HECW1: variants seen among roughly 807,000 people sequenced by gnomAD.
HECW1 encodes the protein E3 ubiquitin-protein ligase HECW1.
A neutral mutation model predicts 182.3 loss-of-function variants in HECW1; 61 were observed. The ratio of observed to expected loss-of-function variants is 0.33; its 90% CI spans 0.27 to 0.41. HECW1 has a LOEUF of 0.41. HECW1 is among the 10% of genes least tolerant of loss of function. The pLI is 1.00. For synonymous variants in HECW1, 859 were observed against 832.6 expected, an observed-to-expected ratio of 1.03 and a Z score of -0.55; for missense variants, 1,739 against 2,108.9, an observed-to-expected ratio of 0.82 and a Z score of 3.44.
chr7:43,506,921 T>A (rs1268929948), intron 21 of HECW1, among the ~76,000 whole-genome samples: 2 of 151,860 alleles, frequency 1.3e-5, no homozygotes, highest in Non-Finnish European at 2.9e-5. Context: ...ACAAAAAAAA[T>A]CAGCCAGGTA....
intron 2 of HECW1, among the ~76,000 whole-genome samples, chr7:43,211,722 A>G (rs1188918037): frequency 6.6e-6 from 1 of 152,262 alleles, no homozygotes; most frequent in Non-Finnish European, 1.5e-5. Context: ...CATTACCCAC[A>G]GAGCATAAAA....
intron 3 of HECW1, among the ~76,000 whole-genome samples, chr7:43,275,193 A>C (rs910986795): frequency 1.4e-4 from 22 of 152,210 alleles, no homozygotes; most frequent in African/African-American, 5.3e-4. Context: ...CAAAAAGTTT[A>C]CTTGAAATCC....
intron 2 of HECW1, among the ~76,000 whole-genome samples, chr7:43,132,444 T>C (rs1314653901): frequency 6.6e-6 from 1 of 152,044 alleles, no homozygotes; most frequent in Non-Finnish European, 1.5e-5. Context: ...ACATTGGGGG[T>C]TGCAAAATGG....
chr7:43,431,626 T>C (rs776206418), intron 8 of HECW1, among the ~76,000 whole-genome samples: 28 of 152,224 alleles, frequency 1.8e-4, no homozygotes, highest in Non-Finnish European at 3.7e-4. Context: ...GTCATTTGCA[T>C]GGTGCAGATC....
At position 43,344,373 on chromosome 7, in the gene HECW1, T is replaced by C. The variant is rs58692462; in HGVS notation, c.461-16513T>C. On this transcript the variant is annotated intron_variant, in intron 5 of 29. Transcript: ENST00000395891. ...AAGCATATTTTTATGTTGACAGATA[T>C]CTCCTTTCAGCACTTTGAAGTTCTC... is the stretch of plus-strand genomic sequence containing the variant. Among the ~76,000 whole-genome samples, 1,155 of 152,024 alleles carry C rather than the reference T, an allele frequency of 7.6e-3. 38 individuals carry two copies. Among genetic ancestry groups the C allele is most frequent in the Middle Eastern group, 0.034 (10 of 292 alleles).
intron 2 of HECW1, among the ~76,000 whole-genome samples, chr7:43,210,762 A>G (rs748827253): frequency 6.6e-6 from 1 of 152,192 alleles, no homozygotes; most frequent in Non-Finnish European, 1.5e-5. Flanking sequence ...CAGAGCAGCA[A>G]TGGGCGCCTC....
chr7:43,321,505 G>A (rs1446369875), intron 5 of HECW1, among the ~76,000 whole-genome samples: 1 of 152,106 alleles, frequency 6.6e-6, no homozygotes, highest in East Asian at 1.9e-4. Flanking sequence ...TTTGCCAGCT[G>A]AGGGAATGCA....
chr7:43,329,990 GA>G (rs767836810), intron 5 of HECW1, among the ~76,000 whole-genome samples: 9 of 152,196 alleles, frequency 5.9e-5, no homozygotes, highest in Non-Finnish European at 1.2e-4. Flanking sequence ...ACTGTGAGAA[GA>G]GGAGAGTTGA....
chr7:43,167,158 G>T (rs1239162031), intron 2 of HECW1, among the ~76,000 whole-genome samples: 1 of 152,122 alleles, frequency 6.6e-6, no homozygotes, highest in African/African-American at 2.4e-5. Flanking sequence ...GGTATGAGAA[G>T]GGCCATGCTC....
At chr7:43,242,751 G>A (rs530489532) in intron 2 of HECW1, among the ~76,000 whole-genome samples, 1 of 152,168 alleles carries the variant, frequency 6.6e-6, no homozygotes, top group Non-Finnish European at 1.5e-5. Context: ...GTGCAGGGGA[G>A]CCTGCAGATG....
intron 8 of HECW1, among the ~76,000 whole-genome samples, chr7:43,410,591 T>C (rs966570130): frequency 2.0e-5 from 3 of 152,266 alleles, no homozygotes; most frequent in Non-Finnish European, 2.9e-5. Context: ...GAAATGTCTG[T>C]GTATAATTAT....
At chr7:43,550,111 A>AAAG (rs575247546) in intron 26 of HECW1, among the ~76,000 whole-genome samples, 32 of 151,702 alleles carry the variant, frequency 2.1e-4, no homozygotes, top group East Asian at 1.4e-3. Context: ...TACCAAAAAA[A>AAAG]AAGAAGAAGA....
At chr7:43,507,033 G>A in intron 21 of HECW1, 104 bp from the exon 22 acceptor site, 4 of 1,384,166 alleles carry the variant, frequency 2.9e-6, no homozygotes, top group Non-Finnish European at 3.9e-6. Flanking sequence ...GCACACCACT[G>A]CACTCCAGCC....
chr7:43,288,017 T>C (rs1471543252), intron 3 of HECW1, among the ~76,000 whole-genome samples: 3 of 152,218 alleles, frequency 2.0e-5, no homozygotes, highest in Non-Finnish European at 2.9e-5. Flanking sequence ...TAGATATCCA[T>C]GTAGACAGAG....
chr7:43,542,502 A>G (rs2081400795), intron 26 of HECW1, among the ~76,000 whole-genome samples: 1 of 151,146 alleles, frequency 6.6e-6, no homozygotes, highest in African/African-American at 2.4e-5. Context: ...AAGCTGAAAA[A>G]TATTTCATTA....
rs138063278 is a variant in HECW1, at chr7:43,279,639, T to A, written c.28-32124T>A. ...GCGCCCTCCTTGTCCCCATTTCATT[T>A]GTTCTGAAGCTGATGTGTTTTCTCT... On this transcript the variant is annotated intron_variant, in intron 3 of 29. Coordinates refer to ENST00000395891, the MANE Select transcript of HECW1 (RefSeq NM_015052.5). Among the ~76,000 whole-genome samples the A allele has an allele frequency of 8.9e-3, 1,359 of 152,334 alleles. 13 individuals are homozygous for A. Among genetic ancestry groups the A allele is most frequent in the African/African-American group, 0.032 (1,313 of 41,576 alleles).
intron 2 of HECW1, among the ~76,000 whole-genome samples, chr7:43,218,190 C>A (rs1796607720): frequency 6.6e-6 from 1 of 152,142 alleles, no homozygotes; most frequent in African/African-American, 2.4e-5. Context: ...TACCACAATG[C>A]TGGGCCATTC....
chr7:43,432,908 A>T lies in HECW1; in HGVS notation c.802-5095A>T, dbSNP rs1163076265. Among the ~76,000 whole-genome samples, 1 of 152,254 alleles carries T rather than the reference A, an allele frequency of 6.6e-6. No homozygotes were observed. Among genetic ancestry groups the T allele is most frequent in the Admixed American group, 6.5e-5 (1 of 15,292 alleles). On this transcript the variant is annotated intron_variant, in intron 8 of 29. Transcript: ENST00000395891. This position sits in a 1 kb window ranked among gnomAD's most constrained non-coding sequence, Gnocchi z 4.1. ...CAAGATGGAATATAATAAGCATCTTAGTTCTATAAATGGCCTATTGAGTAA... is the reference window on the plus strand; with the variant it reads ...CAAGATGGAATATAATAAGCATCTTTGTTCTATAAATGGCCTATTGAGTAA...
At position 43,243,251 on chromosome 7, in the gene HECW1, C is replaced by CA. The variant is rs1262370812; in HGVS notation, c.-31-622dup. On this transcript the variant is annotated intron_variant, in intron 2 of 29. Transcript: ENST00000395891. This position sits in a 1 kb window ranked among gnomAD's most constrained non-coding sequence, Gnocchi z 4.0. ...CTGTCCCATGCCTGGCATCTCTGCT[C>CA]AAGTCCTGTATGCTAATTTTGGACA... is the stretch of plus-strand genomic sequence containing the variant. Among the ~76,000 whole-genome samples, 2 of 152,176 alleles carry CA rather than the reference C, an allele frequency of 1.3e-5. No individual in the cohort carries two copies. Among genetic ancestry groups the CA allele is most frequent in the African/African-American group, 4.8e-5 (2 of 41,444 alleles).
Sources: gnomAD v4.1 joint callset for allele counts (sites outside exome capture counted in the v4.1 genomes callset) on GRCh38, gnomAD v4.1.1 for gene constraint, Gnocchi (gnomAD v3.1) non-coding constraint, MANE v1.5 for transcripts, NCBI Gene and HGNC (gene_info 2026-07-23, HGNC 2026-07-21) for gene names.